The following LRP3 variants were observed in gnomAD, a reference collection of about 807,000 sequenced individuals.
LRP3 encodes LDL receptor related protein 3.
In LRP3, 49 loss-of-function variants were observed where a neutral mutation model predicts 58.5. That is an observed-to-expected ratio of 0.84 (90% CI 0.67 to 1.06). The LOEUF is 1.06. Among genes scored for constraint, LRP3 ranks in the 50% least tolerant of loss-of-function variants. The pLI is 0.00. For missense variants in LRP3, 1,019 were observed against 1,134.2 expected, an observed-to-expected ratio of 0.90 and a Z score of 1.46; for synonymous variants, 485 against 492.2, an observed-to-expected ratio of 0.99 and a Z score of 0.20.
Position 33,206,989 on chromosome 19 carries a change from C to T in LRP3, c.1727C>T (p.Ala576Val). ...CCCCTACCCTGCTCCACCCCACAGG[C>T]CTCTGTGCTGCAGAATCTTCGCACA... Reference protein sequence around the residue: ...EDFPVYSASQASVLQNLRTAM... With the variant: ...EDFPVYSASQVSVLQNLRTAM... The change falls in exon 7 of 7, where the codon GCC (alanine) becomes GTC (valine). Residue 576 changes from alanine to valine, a missense_variant and splice_region_variant. Around this residue, in one of 2 missense-constraint regions of LRP3, gnomAD observed 427 missense variants for 408.6 expected, o/e 1.04. Coordinates refer to ENST00000253193, the MANE Select transcript of LRP3 (RefSeq NM_002333.4). The T allele has an allele frequency of 6.8e-7, 1 of 1,476,494 alleles. No individual in the cohort carries two copies. The highest frequency in any genetic ancestry group is 9.0e-7 in the Non-Finnish European group (1 of 1,117,210). 91.5% of individuals were successfully genotyped at this position (1,476,494 alleles called of 1,614,324 possible). A position where few individuals can be genotyped will look rare whatever the true frequency, so the allele number is the denominator to read the frequency against.
chr19:33,203,123 G>A (rs934582627), intron 3 of LRP3, 137 bp downstream of exon 3: 3 of 1,079,576 alleles, frequency 2.8e-6, no homozygotes, highest in Admixed American at 2.3e-5. Flanking sequence ...GTGGGATCAT[G>A]TGCATGTGTG....
rs775593179 is a variant in LRP3 at position 33,205,891 on chromosome 19, C to T, written c.1121C>T (p.Pro374Leu). ...VKGYCLPWEQ[P>L]CGSSSDSDGG... Reference sequence around the variant, plus strand: ...GGCTATTGCCTCCCCTGGGAGCAGCCGTGCGGGAGCAGTAGTGACAGTGAC... The same window carrying T: ...GGCTATTGCCTCCCCTGGGAGCAGCTGTGCGGGAGCAGTAGTGACAGTGAC... Residue 374 changes from proline (P) to leucine (L), a missense_variant, in exon 5 of 7, where the codon CCG (proline) becomes CTG (leucine). By Grantham distance (98) the Pro-to-Leu change is moderately conservative (BLOSUM62 -3). This residue lies in a region of LRP3 where 592 missense variants were observed against 725.5 expected (regional missense o/e 0.82). Coordinates refer to ENST00000253193, the MANE Select transcript of LRP3 (RefSeq NM_002333.4). The T allele has an allele frequency of 2.1e-5, 34 of 1,606,824 alleles. 1 individual carries two copies. The highest frequency in any genetic ancestry group is 5.0e-5 in the Admixed American group (3 of 59,544).
In LRP3 at chr19:33,204,788, T is replaced by C. The variant is rs1568382864; in HGVS notation, c.411T>C (p.Ile137=). Residue 137 remains isoleucine, a synonymous_variant, in exon 4 of 7, where the codon ATT becomes ATC. Transcript: ENST00000253193. ...AFISARDHVW[I]FFHSDASSSG... ...TCTCTGCCCGCGACCATGTCTGGAT[T>C]TTCTTCCACTCAGACGCCTCCAGCT... The C allele has an allele frequency of 6.2e-7, 1 of 1,613,544 alleles. No individual in the cohort carries two copies. Among genetic ancestry groups the C allele is most frequent in the Non-Finnish European group, 8.5e-7 (1 of 1,179,982 alleles).
In LRP3 at chr19:33,207,721, A is replaced by G. The variant is rs1974442256; in HGVS notation, c.*146A>G. On this transcript the variant is annotated 3_prime_UTR_variant, in exon 7 of 7. Transcript: ENST00000253193. ...GCTGGCCCCTAAGCCAGCTGGCTGC[A>G]CTGGTGGGCGGGAGCTGTGGGACTG... 2 of 636,890 alleles carry G rather than the reference A, an allele frequency of 3.1e-6. No individual in the cohort carries two copies. Among genetic ancestry groups the G allele is most frequent in the Non-Finnish European group, 5.4e-6 (2 of 369,410 alleles). 39.5% of individuals were successfully genotyped at this position (636,890 alleles called of 1,614,324 possible).
chr19:33,207,749 C>CGG lies in LRP3; in HGVS notation c.*175_*176dup, dbSNP rs113136121. On this transcript the variant is annotated 3_prime_UTR_variant, in exon 7 of 7. Transcript: ENST00000253193. ...GGTGGGCGGGAGCTGTGGGACTGAA[C>CGG]GGCGGGGGGGAGAAGAGTGGAGTGG... 0.71 allele frequency: 421,842 copies of CGG among 593,812 alleles called. 156,859 individuals carry two copies. The highest frequency in any genetic ancestry group is 0.8 in the Non-Finnish European group (268,116 of 336,616). The allele number at this position is 593,812 out of a possible 1,614,324, so 36.8% of individuals were successfully genotyped here.
chr19:33,203,262 T>A (rs928763784), intron 3 of LRP3, among the ~76,000 whole-genome samples: 2 of 151,572 alleles, frequency 1.3e-5, no homozygotes, highest in African/African-American at 4.9e-5. Flanking sequence ...CGTGTGTAGG[T>A]ATTTGAGCAG....
chr19:33,204,758 C>A lies in LRP3; in HGVS notation c.381C>A (p.Ala127=), dbSNP rs1485451095. ...FRLCGSAIPP[A]FISARDHVWI... ...TCTGTGGCTCCGCCATCCCACCTGC[C>A]TTCATCTCTGCCCGCGACCATGTCT... Residue 127 remains alanine (A), a synonymous_variant, in exon 4 of 7, where the codon GCC becomes GCA. Transcript: ENST00000253193. The A allele has an allele frequency of 2.5e-6, 4 of 1,612,960 alleles. No homozygotes were observed. The South Asian group carries it at 4.4e-5, about 18-fold the overall frequency.
chr19:33,201,516 G>A (rs1974341508), intron 2 of LRP3, among the ~76,000 whole-genome samples: 1 of 152,204 alleles, frequency 6.6e-6, no homozygotes, highest in Non-Finnish European at 1.5e-5. Flanking sequence ...GAGGCAGCCA[G>A]AGGGCTCTCC....
At position 33,205,876 on chromosome 19, in the gene LRP3, T is replaced by G; in HGVS notation, c.1106T>G (p.Leu369Arg). Residue 369 changes from leucine (L) to arginine (R), a missense_variant, in exon 5 of 7, where the codon CTC becomes CGC. This residue lies in a region of LRP3 where 592 missense variants were observed against 725.5 expected (regional missense o/e 0.82). Coordinates refer to ENST00000253193, the MANE Select transcript of LRP3 (RefSeq NM_002333.4). ...NATYQVKGYC[L>R]PWEQPCGSSS... ...ACCTACCAGGTGAAGGGCTATTGCC[T>G]CCCCTGGGAGCAGCCGTGCGGGAGC... is the stretch of plus-strand genomic sequence containing the variant. 6.2e-7 allele frequency: 1 copy of G among 1,605,934 alleles called. No homozygotes were observed. Among genetic ancestry groups the G allele is most frequent in the Non-Finnish European group, 8.5e-7 (1 of 1,176,490 alleles).
chr19:33,206,008 G>T lies in LRP3; in HGVS notation c.1238G>T (p.Cys413Phe). 6.3e-7 allele frequency: 1 copy of T among 1,579,834 alleles called. No homozygotes were observed. The highest frequency in any genetic ancestry group is 8.6e-7 in the Non-Finnish European group (1 of 1,163,828). The change falls in exon 5 of 7, where the codon TGC becomes TTC. Residue 413 changes from cysteine to phenylalanine, a missense_variant. Around this residue, in one of 2 missense-constraint regions of LRP3, gnomAD observed 592 missense variants for 725.5 expected, o/e 0.82. Coordinates refer to ENST00000253193, the MANE Select transcript of LRP3 (RefSeq NM_002333.4). ...GCCAGCGGCCGAGACGAGCAGGGCTGCCCTGCCTGCCCGCCCGACCAGTAC... is the reference window on the plus strand; with the variant it reads ...GCCAGCGGCCGAGACGAGCAGGGCTTCCCTGCCTGCCCGCCCGACCAGTAC... ...HCASGRDEQGCPACPPDQYPC... is the reference protein window; with the variant it reads ...HCASGRDEQGFPACPPDQYPC...
intron 5 of LRP3, 93 bp from the exon 6 acceptor site, chr19:33,206,508 G>A: frequency 1.9e-6 from 3 of 1,588,220 alleles, no homozygotes; most frequent in Non-Finnish European, 2.6e-6. Context: ...ATCTTGGGGT[G>A]TCTGGGTGGA....
At chr19:33,206,519 G>A (rs759553437) in intron 5 of LRP3, 82 bp from the exon 6 acceptor site, 4 of 1,585,856 alleles carry the variant, frequency 2.5e-6, no homozygotes, top group Admixed American at 1.7e-5. Flanking sequence ...TCTGGGTGGA[G>A]GGTCGTCCTG....
intron 2 of LRP3, among the ~76,000 whole-genome samples, chr19:33,198,141 C>T (rs1189997040): frequency 6.6e-6 from 1 of 152,162 alleles, no homozygotes; most frequent in African/African-American, 2.4e-5. Context: ...ATGTGAGCCC[C>T]AGGACACCCT....
intron 4 of LRP3, 133 bp from the exon 5 acceptor site, chr19:33,205,113 C>G (rs1176155632): frequency 9.8e-7 from 1 of 1,022,056 alleles, no homozygotes; most frequent in East Asian, 2.6e-5. Flanking sequence ...GGACAGAGCC[C>G]ACCCTGGTGT....
chr19:33,205,523 C>T lies in LRP3; in HGVS notation c.753C>T (p.Asp251=), dbSNP rs749867750. ...GCTCGGATGAGGCGGGCTGCCCCGA[C>T]CTGGCGTGCGGCCGGCGGCTGGGCA... The part of the protein sequence containing the change: ...GDGSDEAGCP[D]LACGRRLGSF... Residue 251 remains aspartate, a synonymous_variant, in exon 5 of 7, where the codon GAC becomes GAT. Coordinates refer to ENST00000253193, the MANE Select transcript of LRP3 (RefSeq NM_002333.4). 2 of 1,565,246 alleles carry T rather than the reference C, an allele frequency of 1.3e-6. No individual in the cohort carries two copies. The highest frequency in any genetic ancestry group is 2.3e-5 in the East Asian group (1 of 43,572).
At chr19:33,201,016 G>A (rs1974335824) in intron 2 of LRP3, among the ~76,000 whole-genome samples, 1 of 152,204 alleles carries the variant, frequency 6.6e-6, no homozygotes, top group Admixed American at 6.5e-5. Flanking sequence ...CCCAGGGGAA[G>A]GGGCTTCAGC....
intron 2 of LRP3, 88 bp from the exon 3 acceptor site, chr19:33,202,760 A>C: frequency 7.1e-7 from 1 of 1,405,010 alleles, no homozygotes; most frequent in Non-Finnish European, 9.6e-7. Context: ...ACCATGGGGG[A>C]GGCCTGTGCT....
chr19:33,204,985 T>C, intron 4 of LRP3, 133 bp downstream of exon 4: 1 of 863,642 alleles, frequency 1.2e-6, no homozygotes, highest in South Asian at 1.7e-5. Flanking sequence ...GCCCTGTCAA[T>C]CTCAGGACAG....
chr19:33,207,272 C>T lies in LRP3; in HGVS notation c.2010C>T (p.Ala670=). The change falls in exon 7 of 7, where the codon GCC becomes GCT. Residue 670 remains alanine, a synonymous_variant. Coordinates refer to ENST00000253193, the MANE Select transcript of LRP3 (RefSeq NM_002333.4). ...TRAAGDRPPS[A]PGRAPEVGPS... is the part of the protein sequence containing the mutation. ...CGGCCGGAGACAGGCCCCCCAGTGCCCCCGGCCGTGCACCGGAGGTGGGAC... is the reference window on the plus strand; with the variant it reads ...CGGCCGGAGACAGGCCCCCCAGTGCTCCCGGCCGTGCACCGGAGGTGGGAC... 1 of 1,554,846 alleles carries T rather than the reference C, an allele frequency of 6.4e-7. No homozygotes were observed. The highest frequency in any genetic ancestry group is 1.9e-5 in the Admixed American group (1 of 52,614).
Sources: gnomAD v4.1 joint callset for allele counts (sites outside exome capture counted in the v4.1 genomes callset) on GRCh38, gnomAD v4.1.1 for gene constraint, gnomAD v4.1.1 regional missense constraint, MANE v1.5 for transcripts, NCBI Gene and HGNC (gene_info 2026-07-23, HGNC 2026-07-21) for gene names.